The following SLC34A2 variants were observed in gnomAD, a reference collection of about 807,000 sequenced individuals.
SLC34A2 encodes sodium-dependent phosphate transport protein 2B.
SLC34A2 carries 41 observed loss-of-function variants against 50.8 expected under a neutral mutation model. That is an observed-to-expected ratio of 0.81 (90% confidence interval 0.63 to 1.05). The LOEUF is 1.05. SLC34A2 is among the 50% of genes least tolerant of loss of function. The pLI, the probability that SLC34A2 is intolerant of heterozygous loss-of-function variation, is 0.00. For synonymous variants in SLC34A2, 401 were observed against 364.2 expected (o/e 1.10, Z -1.15); for missense variants, 879 against 876.7 (o/e 1.00, Z -0.03).
chr4:25,664,360 G>C (rs1016622290), intron 4 of SLC34A2, 30 bp downstream of exon 4: 4 of 1,613,366 alleles, frequency 2.5e-6, no homozygotes, highest in Non-Finnish European at 2.5e-6. Context: ...AGGTCTGCGG[G>C]TGAGGGGCAT....
Position 25,666,202 on chromosome 4 carries a change from C to T in SLC34A2, c.454C>T (p.Leu152=). The change falls in exon 5 of 13, where the codon CTG becomes TTG. Residue 152 remains leucine (L), a synonymous_variant. Transcript: ENST00000382051. ...NPLLGLVIGV[L]VTVLVQSSST... ...TTTGTTGGGGCTGGTGATCGGGGTG[C>T]TGGTGACCGTCTTGGTGCAGAGCTC... The T allele has an allele frequency of 6.2e-7, 1 of 1,614,076 alleles. No homozygotes were observed. The highest frequency in any genetic ancestry group is 1.1e-5 in the South Asian group (1 of 91,074).
intron 3 of SLC34A2, 42 bp downstream of exon 3, chr4:25,662,884 C>G (rs1285731588): frequency 1.2e-6 from 2 of 1,611,064 alleles, no homozygotes; most frequent in East Asian, 4.5e-5. Context: ...GGGAAACTTC[C>G]TGTGGTTCAC....
intron 3 of SLC34A2, among the ~76,000 whole-genome samples, chr4:25,663,628 G>A (rs1314472915): frequency 6.6e-6 from 1 of 152,128 alleles, no homozygotes; most frequent in Non-Finnish European, 1.5e-5. Flanking sequence ...GGGGTGTGGG[G>A]TGGGGAGGAG....
chr4:25,663,369 T>C (rs1356142905), intron 3 of SLC34A2, among the ~76,000 whole-genome samples: 2 of 152,328 alleles, frequency 1.3e-5, no homozygotes, highest in Middle Eastern at 6.8e-3. Flanking sequence ...TGGCTCCTTA[T>C]AATTCGCTGT....
At chr4:25,672,853 A>G (rs1371403033) in intron 9 of SLC34A2, among the ~76,000 whole-genome samples, 3 of 152,134 alleles carry the variant, frequency 2.0e-5, no homozygotes, top group Non-Finnish European at 4.4e-5. Flanking sequence ...GTGATTTTTA[A>G]AGCCATCACT....
intron 10 of SLC34A2, among the ~76,000 whole-genome samples, chr4:25,673,490 T>C (rs1183223531): frequency 6.6e-6 from 1 of 152,118 alleles, no homozygotes; most frequent in Non-Finnish European, 1.5e-5. Context: ...GGAGTTCATA[T>C]CTAGAGAGCT....
At chr4:25,673,859 G>A (rs548430268) in intron 10 of SLC34A2, among the ~76,000 whole-genome samples, 8 of 152,298 alleles carry the variant, frequency 5.3e-5, no homozygotes, top group South Asian at 2.1e-4. Flanking sequence ...GGCCTGATCC[G>A]GTGCTAGTTG....
At position 25,670,743 on chromosome 4, in the gene SLC34A2, TAA is replaced by T; in HGVS notation, c.842_843del (p.Lys281SerfsTer10). The T allele has an allele frequency of 1.2e-6, 2 of 1,613,356 alleles. No individual in the cohort carries two copies. The highest frequency in any genetic ancestry group is 1.7e-6 in the Non-Finnish European group (2 of 1,179,380). On this transcript the variant is annotated frameshift_variant, in exon 8 of 13. Transcript: ENST00000382051. LOFTEE classifies it high-confidence loss of function. ...CCTGTCTACTGTTTCCACAGCTGGA[TAA>T]AAAAGTTATCAGCCAAATTGCAATG... ...PFTKLIVQLD[K>X]KVISQIAMND...
In SLC34A2 at chr4:25,676,752, G is replaced by C. The variant is rs908165125; in HGVS notation, c.*3G>C. The C allele has an allele frequency of 3.7e-6, 6 of 1,614,012 alleles. No individual in the cohort carries two copies. The African/African-American group carries it at 8.0e-5, about 22-fold the overall frequency. On this transcript the variant is annotated 3_prime_UTR_variant, in exon 13 of 13. Transcript: ENST00000382051. Reference sequence around the variant, plus strand: ...AGACCGAATGCACGGCCTTGTAGGGGACGCCCCAGATTGTCAGGGATGGGG... The same window carrying C: ...AGACCGAATGCACGGCCTTGTAGGGCACGCCCCAGATTGTCAGGGATGGGG...
chr4:25,670,348 C>T (rs1321398834), intron 7 of SLC34A2, among the ~76,000 whole-genome samples: 1 of 152,178 alleles, frequency 6.6e-6, no homozygotes, highest in Non-Finnish European at 1.5e-5. Flanking sequence ...CCATAACATG[C>T]CACCTTTATT....
intron 5 of SLC34A2, 63 bp downstream of exon 5, chr4:25,666,334 G>A (rs1296976388): frequency 3.2e-6 from 5 of 1,583,336 alleles, no homozygotes; most frequent in Non-Finnish European, 3.5e-6. Flanking sequence ...TCTGAGGGTG[G>A]GAAGGACGGG....
At chr4:25,674,675 C>G in intron 12 of SLC34A2, 46 bp downstream of exon 12, 1 of 1,610,912 alleles carries the variant, frequency 6.2e-7, no homozygotes, top group Non-Finnish European at 8.5e-7. Context: ...AGTGGGACCA[C>G]CCATGGTCTT....
chr4:25,666,047 A>T, intron 4 of SLC34A2, 81 bp from the exon 5 acceptor site: 15 of 1,572,562 alleles, frequency 9.5e-6, no homozygotes, highest in Non-Finnish European at 1.3e-5. Context: ...CCTTGGATGG[A>T]GACTTCTGTT....
Position 25,664,250 on chromosome 4 carries a change from G to T in SLC34A2, c.299G>T (p.Arg100Ile), listed in dbSNP as rs776921422. 1.9e-6 allele frequency: 3 copies of T among 1,613,646 alleles called. No individual in the cohort carries two copies. In the Admixed American group the frequency reaches 5.0e-5, roughly 27 times the overall value. The stretch of plus-strand genomic sequence containing the variant: ...CTCTGTTTCTTCCAAGGGATTGGGA[G>T]ATTGATTTTACTTCTCGGATTTCTC... The part of the protein sequence containing the change: ...KILCFFQGIG[R>I]LILLLGFLYF... The change falls in exon 4 of 13, where the codon AGA (arginine) becomes ATA (isoleucine). Residue 100 changes from arginine (R) to isoleucine (I), a missense_variant. Physicochemically the swap from Arg to Ile is moderately conservative, Grantham distance 97. Coordinates refer to ENST00000382051, the MANE Select transcript of SLC34A2 (RefSeq NM_006424.3).
chr4:25,667,135 A>T (rs1024014529), intron 5 of SLC34A2: 4 of 152,296 alleles, frequency 2.6e-5, no homozygotes, highest in Non-Finnish European at 4.4e-5. Flanking sequence ...ACTTGTTTAT[A>T]TCAAAAAAGG....
rs373679737 is a variant in SLC34A2, at chr4:25,674,524, T to C, written c.1353T>C (p.Ile451=). 1.2e-6 allele frequency: 2 copies of C among 1,614,172 alleles called. No homozygotes were observed. The highest frequency in any genetic ancestry group is 8.5e-7 in the Non-Finnish European group (1 of 1,180,042). The change falls in exon 12 of 13, where the codon ATT becomes ATC. Residue 451 remains isoleucine, a synonymous_variant. Transcript: ENST00000382051. ...CCCCAGGAATCGGCGTGATAACCAT[T>C]GAGAGGGCTTATCCACTCACGCTGG... ...TPLIGIGVIT[I]ERAYPLTLGS...
At chr4:25,668,018 G>A (rs767491886) in intron 6 of SLC34A2, 27 bp downstream of exon 6, 29 of 1,398,416 alleles carry the variant, frequency 2.1e-5, no homozygotes, top group South Asian at 1.4e-4. Context: ...CAGCCTTTGC[G>A]ACATCAGCTC....
chr4:25,668,548 A>AAG (rs1714629141), intron 6 of SLC34A2, among the ~76,000 whole-genome samples: 1 of 152,026 alleles, frequency 6.6e-6, no homozygotes. Context: ...AGGCTGAGGC[A>AAG]GGAGAATCGC....
At chr4:25,661,985 G>A (rs1714213848) in intron 1 of SLC34A2, among the ~76,000 whole-genome samples, 1 of 151,530 alleles carries the variant, frequency 6.6e-6, no homozygotes, top group Non-Finnish European at 1.5e-5. Flanking sequence ...CGATTCTCCT[G>A]TCTCAGCCTC....
Sources: allele counts gnomAD v4.1 joint callset (sites outside exome capture counted in the v4.1 genomes callset), GRCh38; gene constraint gnomAD v4.1.1; transcripts MANE v1.5; gene names NCBI Gene and HGNC (gene_info 2026-07-23, HGNC 2026-07-21).